Variants in DLGAP2 observed in about 807,000 individuals in gnomAD.
The protein encoded by DLGAP2 is DLG associated protein 2.
A neutral mutation model predicts 100.3 loss-of-function variants in DLGAP2; 26 were observed. The observed-to-expected ratio is 0.26, with a 90% CI of 0.19 to 0.36. DLGAP2 has a LOEUF of 0.36. DLGAP2 is among the 10% of genes least tolerant of loss of function. The pLI, the probability that DLGAP2 is intolerant of heterozygous loss-of-function variation, is 1.00. For synonymous variants in DLGAP2, 886 were observed against 630.1 expected (o/e 1.41, Z -6.08); for missense variants, 1,858 against 1,453.2 (o/e 1.28, Z -4.53).
rs1416862576 is a variant in DLGAP2 at position 1,626,844 on chromosome 8, T to C, written c.1547T>C (p.Met516Thr). Residue 516 changes from methionine to threonine, a missense_variant, in exon 7 of 15, where the codon ATG (methionine) becomes ACG (threonine). By Grantham distance (81) the Met-to-Thr change is moderately conservative. Coordinates refer to ENST00000637795, the MANE Select transcript of DLGAP2 (RefSeq NM_001346810.2). ...PKFRSRNQSY[M>T]RAVSTLSQAS... Reference sequence around the variant, plus strand: ...TTCCGCTCCCGGAACCAGAGCTACATGAGGGCCGTCAGCACCCTGAGCCAG... The same window carrying C: ...TTCCGCTCCCGGAACCAGAGCTACACGAGGGCCGTCAGCACCCTGAGCCAG... 2.5e-6 allele frequency: 4 copies of C among 1,607,012 alleles called. No homozygotes were observed. The highest frequency in any genetic ancestry group is 2.7e-5 in the African/African-American group (2 of 74,786).
At chr8:1,417,247 A>T (rs944683327) in intron 3 of DLGAP2, among the ~76,000 whole-genome samples, 2 of 101,994 alleles carry the variant, frequency 2.0e-5, no homozygotes, top group Non-Finnish European at 4.0e-5. Context: ...TGAGGTGGGG[A>T]GACCGGCATT....
At chr8:1,364,057 T>A (rs999490333) in intron 3 of DLGAP2, among the ~76,000 whole-genome samples, 5 of 152,160 alleles carry the variant, frequency 3.3e-5, no homozygotes, top group Non-Finnish European at 5.9e-5. Context: ...GGGGTCTTCC[T>A]CACTCCTGCC....
At chr8:1,595,009 C>G (rs539147520) in intron 6 of DLGAP2, among the ~76,000 whole-genome samples, 1 of 152,162 alleles carries the variant, frequency 6.6e-6, no homozygotes, top group East Asian at 1.9e-4. Context: ...TACACACTGT[C>G]CTCCACACAA....
intron 2 of DLGAP2, among the ~76,000 whole-genome samples, chr8:1,171,949 T>G (rs75640136): frequency 0.041 from 6,296 of 152,174 alleles, 203 homozygotes; most frequent in Non-Finnish European, 0.061. Context: ...TTTATTTTGC[T>G]CGTTAGTTGA....
At chr8:840,351 G>A (rs1326989223) in intron 1 of DLGAP2, among the ~76,000 whole-genome samples, 1 of 113,530 alleles carries the variant, frequency 8.8e-6, no homozygotes, top group Non-Finnish European at 1.8e-5. Context: ...CTGCGAGCGC[G>A]TCTACACGGT....
intron 2 of DLGAP2, among the ~76,000 whole-genome samples, chr8:1,252,300 TGTCATGTGGGTGTGTTGTGTTGTCCTGG>T (rs1213635887): frequency 9.2e-5 from 14 of 151,984 alleles, no homozygotes; most frequent in Non-Finnish European, 1.3e-4. Context: ...AATGTGGTGT[TGTCATGTGGGTGTGTTGTGTTGTCCTGG>T]GTCACGGTGT....
At chr8:1,046,964 T>TC (rs1246681449) in intron 2 of DLGAP2, among the ~76,000 whole-genome samples, 1 of 151,588 alleles carries the variant, frequency 6.6e-6, no homozygotes, top group Non-Finnish European at 1.5e-5. Flanking sequence ...AATAATAGGT[T>TC]TTTTTTAATA....
intron 2 of DLGAP2, among the ~76,000 whole-genome samples, chr8:1,248,931 C>T (rs1412842121): frequency 1.3e-5 from 2 of 152,120 alleles, no homozygotes; most frequent in African/African-American, 4.8e-5. Flanking sequence ...GAAAACTTGA[C>T]ATTGGATGAA....
At chr8:1,100,954 A>T (rs1804559158) in intron 2 of DLGAP2, among the ~76,000 whole-genome samples, 1 of 152,216 alleles carries the variant, frequency 6.6e-6, no homozygotes, top group African/African-American at 2.4e-5. Context: ...AAGCAATACC[A>T]GTTACATTTC....
In DLGAP2 at chr8:1,592,481, G is replaced by T. The variant is rs1279393636; in HGVS notation, c.1442+26587G>T. 3.3e-5 allele frequency among the ~76,000 whole-genome samples: 5 copies of T among 151,934 alleles called. No homozygotes were observed. The East Asian group carries it at 9.7e-4, about 29-fold the overall frequency. Reference sequence around the variant, plus strand: ...GCAAATATGGTCCTGTTGCACATTTGCCCCCTGAAGCTCTGGAAAGCGGTC... The same window carrying T: ...GCAAATATGGTCCTGTTGCACATTTTCCCCCTGAAGCTCTGGAAAGCGGTC... On this transcript the variant is annotated intron_variant, in intron 6 of 14. Coordinates refer to ENST00000637795, the MANE Select transcript of DLGAP2 (RefSeq NM_001346810.2).
At chr8:1,167,367 G>C (rs911715330) in intron 2 of DLGAP2, among the ~76,000 whole-genome samples, 2 of 152,118 alleles carry the variant, frequency 1.3e-5, no homozygotes, top group Non-Finnish European at 2.9e-5. Flanking sequence ...ACCTCACAGG[G>C]AGTTGCTAAG....
chr8:816,275 G>GTTT (rs60526250), intron 1 of DLGAP2, among the ~76,000 whole-genome samples: 3 of 145,020 alleles, frequency 2.1e-5, no homozygotes, highest in South Asian at 4.4e-4. Context: ...AATACCTTGG[G>GTTT]TTTTTTTTTT....
At chr8:1,696,229 C>T (rs7461369) in intron 13 of DLGAP2, among the ~76,000 whole-genome samples, 39,015 of 152,148 alleles carry the variant, frequency 0.26, 5,157 homozygotes, top group Middle Eastern at 0.31. Flanking sequence ...AAGCCGGGCA[C>T]GGTGGCTCAC....
chr8:956,355 G>A (rs1370453716), intron 2 of DLGAP2, among the ~76,000 whole-genome samples: 1 of 152,216 alleles, frequency 6.6e-6, no homozygotes, highest in East Asian at 1.9e-4. Context: ...GAAAGCTCAT[G>A]GTTATTTGGT....
intron 3 of DLGAP2, among the ~76,000 whole-genome samples, chr8:1,410,455 C>T (rs953590111): frequency 6.6e-6 from 1 of 152,188 alleles, no homozygotes; most frequent in African/African-American, 2.4e-5. Flanking sequence ...AATTCTGTAG[C>T]AGTAACTTAC....
chr8:1,079,061 G>T (rs73670433), intron 2 of DLGAP2, among the ~76,000 whole-genome samples: 2 of 152,148 alleles, frequency 1.3e-5, no homozygotes, highest in African/African-American at 2.4e-5. Flanking sequence ...CCTCACCAGC[G>T]TTTCATGCTG....
chr8:1,214,203 T>A (rs1022605473), intron 2 of DLGAP2, among the ~76,000 whole-genome samples: 5 of 152,154 alleles, frequency 3.3e-5, no homozygotes, highest in African/African-American at 1.2e-4. Context: ...TGTCTTTTAT[T>A]CTTCAAGTCT....
chr8:860,735 G>A lies in DLGAP2; in HGVS notation c.19-47177G>A, dbSNP rs551924266. Among the ~76,000 whole-genome samples the A allele has an allele frequency of 7.0e-4, 107 of 152,280 alleles. 2 individuals carry two copies. The highest frequency in any genetic ancestry group is 2.4e-3 in the African/African-American group (99 of 41,546). Reference sequence around the variant, plus strand: ...GTTCCACAAAAACATAATCGTGTGCGTGTGGCAGGCATGCTTCTTGGTGAT... The same window carrying A: ...GTTCCACAAAAACATAATCGTGTGCATGTGGCAGGCATGCTTCTTGGTGAT... On this transcript the variant is annotated intron_variant, in intron 1 of 14. Coordinates refer to ENST00000637795, the MANE Select transcript of DLGAP2 (RefSeq NM_001346810.2).
At chr8:1,542,680 T>C (rs1801403448) in intron 4 of DLGAP2, among the ~76,000 whole-genome samples, 1 of 152,244 alleles carries the variant, frequency 6.6e-6, no homozygotes, top group Non-Finnish European at 1.5e-5. Context: ...TTGGCAACTA[T>C]GAATGATGTC....
Sources: gnomAD v4.1 joint callset for allele counts (sites outside exome capture counted in the v4.1 genomes callset) on GRCh38, gnomAD v4.1.1 for gene constraint, MANE v1.5 for transcripts, NCBI Gene and HGNC (gene_info 2026-07-23, HGNC 2026-07-21) for gene names.